KEL: variants seen among roughly 807,000 people sequenced by gnomAD.
The protein encoded by KEL is Kell metallo-endopeptidase (Kell blood group).
Under a neutral mutation model 99.5 loss-of-function variants are expected in KEL, and 96 were observed. The ratio of observed to expected loss-of-function variants is 0.97; its 90% CI spans 0.82 to 1.14. The LOEUF is 1.14. KEL is among the 50% of genes most tolerant of loss of function. KEL has a pLI of 0.00. For synonymous variants in KEL, 355 were observed against 354.8 expected (o/e 1.00, Z -0.01); for missense variants, 926 against 924.2 (o/e 1.00, Z -0.03).
chr7:142,941,344 C>T lies in KEL; in HGVS notation c.2107G>A (p.Gly703Arg), dbSNP rs191330570. The change falls in exon 19 of 19, where the codon GGG (glycine) becomes AGG (arginine). Residue 703 changes from glycine (G) to arginine (R), a missense_variant. Transcript: ENST00000355265. ...AAGGCTGGGGTGCTGCTGAGGGGCCCGTGGACTCGGAGGTGTGGAGGGCTG... is the reference window on the plus strand; with the variant it reads ...AAGGCTGGGGTGCTGCTGAGGGGCCTGTGGACTCGGAGGTGTGGAGGGCTG... ...THSPPHLRVH[G>R]PLSSTPAFAR... The T allele has an allele frequency of 7.8e-5, 126 of 1,613,472 alleles. No individual in the cohort carries two copies. Among genetic ancestry groups the T allele is most frequent in the Non-Finnish European group, 8.8e-5 (104 of 1,179,634 alleles).
At chr7:142,946,709 T>G in intron 10 of KEL, 1 of 289,930 alleles carries the variant, frequency 3.4e-6, no homozygotes, top group Admixed American at 4.6e-5. Flanking sequence ...ATGACTTCCA[T>G]CCTCCATGCT....
chr7:142,958,269 G>A (rs780276400), intron 5 of KEL, 35 bp downstream of exon 5: 1 of 1,613,818 alleles, frequency 6.2e-7, no homozygotes. Context: ...CATATGTTAT[G>A]TATCCAGAAA....
At chr7:142,946,079 G>A (rs1562958553) in intron 11 of KEL, 128 bp downstream of exon 11, 5 of 711,572 alleles carry the variant, frequency 7.0e-6, no homozygotes, top group Admixed American at 2.1e-5. Flanking sequence ...TCTCTCAGTG[G>A]CCCTTCTCTG....
rs755978002 is a variant in KEL at position 142,952,514 on chromosome 7, G to T, written c.1198C>A (p.Pro400Thr). ...QKLRELTEQP[P>T]MPARPRWMKC... ...ACACCCGCTCCTCTCCTCACCATGG[G>T]TGGTTGCTCTGTCAGTTCCCGCAGT... The change falls in exon 10 of 19, where the codon CCC becomes ACC. Residue 400 changes from proline to threonine, a missense_variant. Pro to Thr is a conservative substitution (Grantham distance 38). Transcript: ENST00000355265. 7 of 1,613,774 alleles carry T rather than the reference G, an allele frequency of 4.3e-6. No homozygotes were observed. Among genetic ancestry groups the T allele is most frequent in the Non-Finnish European group, 5.9e-6 (7 of 1,180,038 alleles).
chr7:142,952,778 C>A, intron 9 of KEL, 140 bp from the exon 10 acceptor site: 2 of 981,430 alleles, frequency 2.0e-6, no homozygotes, highest in Non-Finnish European at 3.0e-6. Context: ...TTAACATGCA[C>A]CCAAGTCAAA....
At chr7:142,944,537 T>C (rs931370230) in intron 12 of KEL, 106 bp downstream of exon 12, 2 of 1,198,840 alleles carry the variant, frequency 1.7e-6, no homozygotes, top group Non-Finnish European at 2.5e-6. Context: ...CTACTTAGCA[T>C]GTGCCTGGGG....
Position 142,953,927 on chromosome 7 carries a change from G to A in KEL, c.954C>T (p.Ser318=). 1.5e-5 allele frequency: 24 copies of A among 1,614,138 alleles called. No homozygotes were observed. The highest frequency in any genetic ancestry group is 2.0e-5 in the Non-Finnish European group (24 of 1,180,006). The change falls in exon 9 of 19, where the codon TCC becomes TCT. Residue 318 remains serine, a synonymous_variant. Transcript: ENST00000355265. The part of the protein sequence containing the change: ...KEMAPAIDWL[S]CLQATFTPMS... ...TCGGTGTGAATGTCGCTTGCAAGCA[G>A]GACAACCAGTCGATGGCGGGGGCCA...
At chr7:142,958,180 C>G (rs1796873937) in intron 5 of KEL, 124 bp downstream of exon 5, 1 of 1,432,890 alleles carries the variant, frequency 7.0e-7, no homozygotes, top group African/African-American at 1.4e-5. Context: ...CTCCATCTCC[C>G]TCCTAGAAAT....
At chr7:142,956,344 C>G (rs775065998) in intron 6 of KEL, among the ~76,000 whole-genome samples, 6 of 152,168 alleles carry the variant, frequency 3.9e-5, no homozygotes, top group Non-Finnish European at 8.8e-5. Context: ...TCAACACCCC[C>G]AGACTGACCT....
intron 10 of KEL, among the ~76,000 whole-genome samples, chr7:142,950,366 A>G (rs1796652350): frequency 6.6e-6 from 1 of 152,170 alleles, no homozygotes; most frequent in South Asian, 2.1e-4. Context: ...AAACACCTGG[A>G]GCATGCTCCA....
At chr7:142,944,278 G>C in intron 13 of KEL, 45 bp downstream of exon 13, 1 of 1,448,836 alleles carries the variant, frequency 6.9e-7, no homozygotes, top group Non-Finnish European at 9.7e-7. Flanking sequence ...GAGAAGTGAC[G>C]AGAAGTCAAG....
At chr7:142,960,405 G>C (rs1052301601) in intron 4 of KEL, among the ~76,000 whole-genome samples, 1 of 152,192 alleles carries the variant, frequency 6.6e-6, no homozygotes, top group African/African-American at 2.4e-5. Flanking sequence ...CATGGTGAGA[G>C]GGAGAGGGTA....
At chr7:142,952,285 T>C (rs140702705) in intron 10 of KEL, among the ~76,000 whole-genome samples, 2 of 152,154 alleles carry the variant, frequency 1.3e-5, no homozygotes, top group African/African-American at 4.8e-5. Context: ...GCCAGAGAGG[T>C]AGTCAGGCTG....
intron 4 of KEL, among the ~76,000 whole-genome samples, chr7:142,960,404 A>G (rs186056233): frequency 6.6e-6 from 1 of 152,278 alleles, no homozygotes; most frequent in Non-Finnish European, 1.5e-5. Flanking sequence ...GCATGGTGAG[A>G]GGGAGAGGGT....
chr7:142,948,941 G>T (rs1218434168), intron 10 of KEL, among the ~76,000 whole-genome samples: 2 of 141,216 alleles, frequency 1.4e-5, no homozygotes, highest in African/African-American at 6.2e-5. Flanking sequence ...CTAGAAACCT[G>T]AATGCTGGCA....
At chr7:142,952,367 C>T in intron 10 of KEL, 142 bp downstream of exon 10, 1 of 1,102,044 alleles carries the variant, frequency 9.1e-7, no homozygotes, top group Non-Finnish European at 1.4e-6. Flanking sequence ...TCCAACTTGC[C>T]TGCTTCTATG....
intron 6 of KEL, among the ~76,000 whole-genome samples, chr7:142,955,877 G>A (rs781193042): frequency 6.6e-6 from 1 of 152,186 alleles, no homozygotes; most frequent in Admixed American, 6.5e-5. Context: ...TGCCATAACT[G>A]TTTGGAAAGT....
chr7:142,947,387 A>G (rs79243129), intron 10 of KEL, among the ~76,000 whole-genome samples: 147,860 of 152,154 alleles, frequency 0.97, 71,870 homozygotes, highest in East Asian at 1. Flanking sequence ...GGGTTTATGT[A>G]CATCCCACTA....
At chr7:142,958,948 C>G (rs1015044971) in intron 4 of KEL, among the ~76,000 whole-genome samples, 5 of 152,134 alleles carry the variant, frequency 3.3e-5, no homozygotes, top group Admixed American at 2.6e-4. Flanking sequence ...TTCACCTGTA[C>G]CCTGGAAGCC....
Sources: gnomAD v4.1 joint callset for allele counts (sites outside exome capture counted in the v4.1 genomes callset) on GRCh38, gnomAD v4.1.1 for gene constraint, MANE v1.5 for transcripts, NCBI Gene and HGNC (gene_info 2026-07-23, HGNC 2026-07-21) for gene names.